The following TRAPPC9 variants were observed in gnomAD, a reference collection of about 807,000 sequenced individuals.
TRAPPC9 encodes trafficking protein particle complex subunit 9.
Under a neutral mutation model 124.0 loss-of-function variants are expected in TRAPPC9, and 83 were observed. The observed-to-expected ratio is 0.67, with a 90% CI of 0.56 to 0.80. The LOEUF is 0.80. Ranked by LOEUF, TRAPPC9 falls within the 30% of genes least tolerant of loss-of-function variation. TRAPPC9 has a pLI of 0.00. For synonymous variants in TRAPPC9, 638 were observed against 617.5 expected (o/e 1.03, Z -0.49); for missense variants, 1,302 against 1,508.3 (o/e 0.86, Z 2.27).
intron 17 of TRAPPC9, among the ~76,000 whole-genome samples, chr8:140,125,784 G>A (rs566808044): frequency 2.8e-4 from 42 of 151,734 alleles, no homozygotes; most frequent in Admixed American, 8.5e-4. Flanking sequence ...TTAGTGAGAC[G>A]GGTTCATGTC....
chr8:139,871,958 T>G (rs1315973300), intron 21 of TRAPPC9, among the ~76,000 whole-genome samples: 1 of 150,214 alleles, frequency 6.7e-6, no homozygotes, highest in Non-Finnish European at 1.5e-5. Context: ...GTAGATAGGC[T>G]GGTGGATAAG....
intron 17 of TRAPPC9, among the ~76,000 whole-genome samples, chr8:140,049,576 T>C (rs995939187): frequency 1.3e-5 from 2 of 150,834 alleles, no homozygotes; most frequent in African/African-American, 4.9e-5. Context: ...ATTATTTCCC[T>C]GGCAACCAGG....
chr8:140,025,013 G>A (rs971487431), intron 17 of TRAPPC9, among the ~76,000 whole-genome samples: 2 of 152,216 alleles, frequency 1.3e-5, no homozygotes, highest in Non-Finnish European at 2.9e-5. Context: ...TGCTCCTGCT[G>A]GGGCCCAGCG....
At chr8:139,770,552 C>T (rs781497108) in intron 21 of TRAPPC9, among the ~76,000 whole-genome samples, 3 of 152,196 alleles carry the variant, frequency 2.0e-5, no homozygotes, top group Admixed American at 6.5e-5. Context: ...TCTGTGACAT[C>T]GTGAAACTGC....
rs371678165 is a variant in TRAPPC9 at position 140,426,583 on chromosome 8, A to G, written c.886+32T>C. 139 of 1,609,890 alleles carry G rather than the reference A, an allele frequency of 8.6e-5. No homozygotes were observed. The African/African-American group carries it at 1.6e-3, about 19-fold the overall frequency. The stretch of plus-strand genomic sequence containing the variant: ...CATGAAACAAGCACTTAAAAAAATA[A>G]CCAAAAGAAACTAAACACATAGATC... On this transcript the variant is annotated intron_variant, in intron 5 of 22. Coordinates refer to ENST00000438773, the MANE Select transcript of TRAPPC9 (RefSeq NM_001160372.4).
intron 6 of TRAPPC9, among the ~76,000 whole-genome samples, chr8:140,402,232 C>T (rs77239387): frequency 0.036 from 5,422 of 150,566 alleles, 210 homozygotes; most frequent in African/African-American, 0.098. Context: ...TAGCCAGGTG[C>T]GGTGGGATGC....
intron 2 of TRAPPC9, among the ~76,000 whole-genome samples, chr8:140,445,132 T>C (rs1408888805): frequency 6.6e-6 from 1 of 152,160 alleles, no homozygotes; most frequent in Non-Finnish European, 1.5e-5. Context: ...TCAAAAACAC[T>C]TCCCCCATGG....
chr8:140,099,006 G>A (rs1166330268), intron 17 of TRAPPC9: 1 of 152,230 alleles, frequency 6.6e-6, no homozygotes, highest in African/African-American at 2.4e-5. Context: ...GTGCACAGGG[G>A]AGGACACCCA....
At chr8:140,133,607 A>G (rs2061243238) in intron 17 of TRAPPC9, among the ~76,000 whole-genome samples, 2 of 152,242 alleles carry the variant, frequency 1.3e-5, no homozygotes, top group African/African-American at 4.8e-5. Context: ...ATTAGAAAGG[A>G]AGAAGTAAAA....
intron 21 of TRAPPC9, among the ~76,000 whole-genome samples, chr8:139,827,733 T>C (rs1257181257): frequency 6.6e-6 from 1 of 152,122 alleles, no homozygotes; most frequent in Non-Finnish European, 1.5e-5. Context: ...TGTTCTTGCA[T>C]TGCTATCAAG....
chr8:140,342,025 G>C (rs908081375), intron 9 of TRAPPC9, among the ~76,000 whole-genome samples: 2 of 152,272 alleles, frequency 1.3e-5, no homozygotes, highest in African/African-American at 4.8e-5. Context: ...GGACAGGAAA[G>C]AAAGGGCGGA....
At chr8:140,221,087 T>C (rs1231132355) in intron 17 of TRAPPC9, among the ~76,000 whole-genome samples, 5 of 152,176 alleles carry the variant, frequency 3.3e-5, no homozygotes, top group Admixed American at 6.5e-5. Flanking sequence ...AAACCAACAA[T>C]TGGGAAGGGT....
intron 21 of TRAPPC9, among the ~76,000 whole-genome samples, chr8:139,758,526 G>A (rs550989561): frequency 3.9e-5 from 6 of 152,306 alleles, no homozygotes; most frequent in East Asian, 1.9e-4. Context: ...TGGGGAGGCC[G>A]GGGGCAGGGG....
chr8:140,109,850 T>C (rs1000059900), intron 17 of TRAPPC9, among the ~76,000 whole-genome samples: 8 of 152,200 alleles, frequency 5.3e-5, no homozygotes, highest in African/African-American at 1.9e-4. Context: ...CCTGCCTGTT[T>C]CCTGGTCTGA....
intron 21 of TRAPPC9, among the ~76,000 whole-genome samples, chr8:139,739,080 G>A (rs1428809097): frequency 6.6e-6 from 1 of 152,150 alleles, no homozygotes; most frequent in East Asian, 1.9e-4. Flanking sequence ...TGAGCCTCAG[G>A]CCCGTGCTCC....
At chr8:140,189,279 C>T (rs186296529) in intron 17 of TRAPPC9, among the ~76,000 whole-genome samples, 3 of 152,346 alleles carry the variant, frequency 2.0e-5, no homozygotes, top group Middle Eastern at 3.4e-3. Flanking sequence ...AGGTTCGTTT[C>T]CGCATGGCCA....
chr8:139,942,008 G>A (rs746821274), intron 19 of TRAPPC9, among the ~76,000 whole-genome samples: 1 of 152,184 alleles, frequency 6.6e-6, no homozygotes, highest in African/African-American at 2.4e-5. Flanking sequence ...ACCCATCTGG[G>A]ATGGAACCCA....
intron 5 of TRAPPC9, among the ~76,000 whole-genome samples, chr8:140,423,663 T>TATACACATATACAC (rs1564014408): frequency 1.4e-5 from 2 of 144,796 alleles, no homozygotes; most frequent in South Asian, 4.2e-4. Context: ...CATACACACA[T>TATACACATATACAC]ATATACACAT....
chr8:139,762,405 T>C (rs1239545902), intron 21 of TRAPPC9, among the ~76,000 whole-genome samples: 1 of 152,180 alleles, frequency 6.6e-6, no homozygotes, highest in Non-Finnish European at 1.5e-5. Flanking sequence ...CGATTTGTCC[T>C]AGTGTGAACA....
Sources: gnomAD v4.1 joint callset for allele counts (sites outside exome capture counted in the v4.1 genomes callset) on GRCh38, gnomAD v4.1.1 for gene constraint, MANE v1.5 for transcripts, NCBI Gene and HGNC (gene_info 2026-07-23, HGNC 2026-07-21) for gene names.